Variants in HHIPL2 observed in about 807,000 individuals in gnomAD.
The protein encoded by HHIPL2 is HHIP like 2.
In HHIPL2, 61 loss-of-function variants were observed where a neutral mutation model predicts 61.0. That is an observed-to-expected ratio of 1.00 (90% CI 0.81 to 1.24). The LOEUF is 1.24. Ranked by LOEUF, HHIPL2 falls within the 50% of genes most tolerant of loss-of-function variation. The probability of loss-of-function intolerance (pLI) is 0.00; values close to 1 mark genes in which losing one functional copy is unlikely to be tolerated. For missense variants in HHIPL2, 885 were observed against 910.2 expected (o/e 0.97, Z 0.36); for synonymous variants, 343 against 357.4 (o/e 0.96, Z 0.45).
At chr1:222,547,229 G>C (rs1332085075) in intron 1 of HHIPL2, among the ~76,000 whole-genome samples, 1 of 152,158 alleles carries the variant, frequency 6.6e-6, no homozygotes, top group Non-Finnish European at 1.5e-5. Context: ...ACTCTGGAGA[G>C]AGTCTCCAAC....
chr1:222,541,940 G>A (rs201935779), intron 3 of HHIPL2, 72 bp downstream of exon 3: 48 of 1,477,386 alleles, frequency 3.2e-5, no homozygotes, highest in Non-Finnish European at 4.0e-5. Flanking sequence ...TGAGTTTGAT[G>A]CCATCCCTGC....
intron 7 of HHIPL2, among the ~76,000 whole-genome samples, chr1:222,525,534 G>A (rs999763625): frequency 6.6e-6 from 1 of 152,108 alleles, no homozygotes; most frequent in African/African-American, 2.4e-5. Flanking sequence ...AGATAGAGCT[G>A]GCCCCCCCAA....
At chr1:222,547,583 G>A in intron 1 of HHIPL2, 141 bp downstream of exon 1, 1 of 685,992 alleles carries the variant, frequency 1.5e-6, no homozygotes, top group Admixed American at 2.7e-5. Flanking sequence ...CAGTGTGCGT[G>A]TCCAAAGCCG....
intron 2 of HHIPL2, among the ~76,000 whole-genome samples, chr1:222,543,126 G>T (rs1473814747): frequency 2.0e-5 from 3 of 152,238 alleles, no homozygotes; most frequent in Non-Finnish European, 2.9e-5. Context: ...TGCATCCATA[G>T]CTTGATGGCC....
At chr1:222,546,901 G>A (rs1216891924) in intron 1 of HHIPL2, among the ~76,000 whole-genome samples, 1 of 152,200 alleles carries the variant, frequency 6.6e-6, no homozygotes, top group South Asian at 2.1e-4. Context: ...AGCCCAGGGG[G>A]TCTCAGTTCA....
chr1:222,523,003 T>C, intron 8 of HHIPL2, 116 bp from the exon 9 acceptor site: 4 of 841,664 alleles, frequency 4.8e-6, no homozygotes, highest in Non-Finnish European at 7.0e-6. Context: ...ATACTTTTAA[T>C]TCTCTAACTG....
chr1:222,540,119 C>A lies in HHIPL2; in HGVS notation c.1341G>T (p.Gln447His). ...RGRIFCGDVG[Q>H]NRFEEVDLIL... is the part of the protein sequence containing the mutation. ...TGAGGTCAACCTCTTCAAACCTGTTCTGGCCCACGTCCCCACAGAATATCC... is the reference window on the plus strand; with the variant it reads ...TGAGGTCAACCTCTTCAAACCTGTTATGGCCCACGTCCCCACAGAATATCC... The change falls in exon 4 of 9, where the codon CAG becomes CAT. Residue 447 changes from glutamine to histidine, a missense_variant. Physicochemically the swap from Gln to His is conservative, Grantham distance 24. Coordinates refer to ENST00000343410, the MANE Select transcript of HHIPL2 (RefSeq NM_024746.4). 6.2e-7 allele frequency: 1 copy of A among 1,614,286 alleles called. No individual in the cohort carries two copies. The highest frequency in any genetic ancestry group is 8.5e-7 in the Non-Finnish European group (1 of 1,180,054).
intron 5 of HHIPL2, among the ~76,000 whole-genome samples, chr1:222,533,119 C>T (rs1369136756): frequency 1.3e-5 from 2 of 152,146 alleles, no homozygotes; most frequent in East Asian, 1.9e-4. Flanking sequence ...AATCCCAACA[C>T]TTTGGGAGGC....
In HHIPL2 at chr1:222,538,774, T is replaced by C. The variant is rs1182286569; in HGVS notation, c.1451A>G (p.Asp484Gly). The C allele has an allele frequency of 6.2e-7, 1 of 1,614,086 alleles. No individual in the cohort carries two copies. Among genetic ancestry groups the C allele is most frequent in the Non-Finnish European group, 8.5e-7 (1 of 1,179,992 alleles). The change falls in exon 5 of 9, where the codon GAT becomes GGT. Residue 484 changes from aspartate (D) to glycine (G), a missense_variant and splice_region_variant. Physicochemically the swap from Asp to Gly is moderately conservative, Grantham distance 94. Coordinates refer to ENST00000343410, the MANE Select transcript of HHIPL2 (RefSeq NM_024746.4). ...ATAAGCATAGATTGGCAGAACATCA[T>C]CTGTCCAGGAGAGAGGAAAGAGAGT... ...DKKLCHNASLDDVLPIYAYGH... is the reference protein window; with the variant it reads ...DKKLCHNASLGDVLPIYAYGH...
chr1:222,527,448 C>T (rs533597758), intron 6 of HHIPL2, among the ~76,000 whole-genome samples: 6 of 152,126 alleles, frequency 3.9e-5, no homozygotes, highest in South Asian at 2.1e-4. Flanking sequence ...ATCTGTCAAT[C>T]GCTTTATTTT....
intron 1 of HHIPL2, among the ~76,000 whole-genome samples, chr1:222,546,003 C>T (rs181352279): frequency 6.6e-6 from 1 of 150,644 alleles, no homozygotes; most frequent in East Asian, 2.0e-4. Flanking sequence ...CAAGACCGTG[C>T]CACTGCACTC....
chr1:222,543,760 G>A lies in HHIPL2; in HGVS notation c.751C>T (p.Leu251=). ...VWVYLPDGSR[L]EQPFLDLKNI... ...TTGAGGTCCAGGAAGGGTTGCTCCAGGCGACTCCCATCAGGGAGGTAGACC... is the reference window on the plus strand; with the variant it reads ...TTGAGGTCCAGGAAGGGTTGCTCCAAGCGACTCCCATCAGGGAGGTAGACC... Residue 251 remains leucine, a synonymous_variant, in exon 2 of 9, where the codon CTG becomes TTG. Transcript: ENST00000343410. 1 of 1,614,178 alleles carries A rather than the reference G, an allele frequency of 6.2e-7. No individual in the cohort carries two copies. The highest frequency in any genetic ancestry group is 8.5e-7 in the Non-Finnish European group (1 of 1,180,034).
Position 222,540,191 on chromosome 1 carries a change from A to G in HHIPL2, c.1269T>C (p.Arg423=), listed in dbSNP as rs1442412238. The part of the protein sequence containing the change: ...IYAYGIRNMW[R]CAVDRGDPIT... ...TGGGGTCCCCTCGGTCCACAGCACA[A>G]CGCCACATGTTCCTGATCCCATAGG... Residue 423 remains arginine (R), a synonymous_variant, in exon 4 of 9, where the codon CGT becomes CGC. Coordinates refer to ENST00000343410, the MANE Select transcript of HHIPL2 (RefSeq NM_024746.4). 1.7e-5 allele frequency: 27 copies of G among 1,614,252 alleles called. No individual in the cohort carries two copies. Among genetic ancestry groups the G allele is most frequent in the Non-Finnish European group, 2.3e-5 (27 of 1,180,040 alleles).
intron 1 of HHIPL2, among the ~76,000 whole-genome samples, chr1:222,546,047 A>AAAAAAAATAAATAAATAAAT (rs1553271591): frequency 1.4e-5 from 2 of 141,280 alleles, no homozygotes; most frequent in East Asian, 2.1e-4. Flanking sequence ...TCTGTCTCAA[A>AAAAAAAATAAATAAATAAAT]AAATAAATAA....
rs543530385 is a variant in HHIPL2 at position 222,528,479 on chromosome 1, C to T, written c.1724-1429G>A. 3.9e-4 allele frequency among the ~76,000 whole-genome samples: 60 copies of T among 152,248 alleles called. 1 individual carries two copies. The highest frequency in any genetic ancestry group is 1.4e-3 in the African/African-American group (59 of 41,558). ...AAAATTATCCAGGCGTGGTGGCACA[C>T]GCCTGTGATCCCAGCTATGCGGGAG... is the stretch of plus-strand genomic sequence containing the variant. On this transcript the variant is annotated intron_variant, in intron 6 of 8. Transcript: ENST00000343410.
At chr1:222,529,133 GCT>G (rs1659134973) in intron 6 of HHIPL2, among the ~76,000 whole-genome samples, 1 of 152,216 alleles carries the variant, frequency 6.6e-6, no homozygotes, top group Admixed American at 6.5e-5. Flanking sequence ...CTAAACAACT[GCT>G]TTTTGTGGAG....
In HHIPL2 at chr1:222,538,628, G is replaced by T; in HGVS notation, c.1577+20C>A. Reference sequence around the variant, plus strand: ...ATATTAAAATAAAAAGAGGGAGAAGGGACATCAGTCCTTCCTTACCCACTC... The same window carrying T: ...ATATTAAAATAAAAAGAGGGAGAAGTGACATCAGTCCTTCCTTACCCACTC... On this transcript the variant is annotated intron_variant, in intron 5 of 8. Coordinates refer to ENST00000343410, the MANE Select transcript of HHIPL2 (RefSeq NM_024746.4). 1 of 1,605,758 alleles carries T rather than the reference G, an allele frequency of 6.2e-7. No homozygotes were observed. Among genetic ancestry groups the T allele is most frequent in the Non-Finnish European group, 8.5e-7 (1 of 1,173,974 alleles).
chr1:222,526,448 G>C (rs534605577), intron 7 of HHIPL2, among the ~76,000 whole-genome samples: 106 of 151,636 alleles, frequency 7.0e-4, no homozygotes, highest in Non-Finnish European at 1.3e-3. Context: ...GCTTACGCCT[G>C]TAATCCCAGC....
chr1:222,543,627 C>T lies in HHIPL2; in HGVS notation c.884G>A (p.Cys295Tyr), dbSNP rs745527993. The T allele has an allele frequency of 4.3e-6, 7 of 1,614,004 alleles. No individual in the cohort carries two copies. The African/African-American group carries it at 8.0e-5, about 18-fold the overall frequency. Residue 295 changes from cysteine to tyrosine, a missense_variant, in exon 2 of 9, where the codon TGC (cysteine) becomes TAC (tyrosine). By Grantham distance (194) the Cys-to-Tyr change is radical. Transcript: ENST00000343410. ...CTTTTCTACCTTCTTCTTGTCCAGGCACGAATAATAAATATAGAACTTGCG... is the reference window on the plus strand; with the variant it reads ...CTTTTCTACCTTCTTCTTGTCCAGGTACGAATAATAAATATAGAACTTGCG... Reference protein sequence around the residue: ...HNRKFYIYYSCLDKKKVEKIR... With the variant: ...HNRKFYIYYSYLDKKKVEKIR...
Sources: gnomAD v4.1 joint callset for allele counts (sites outside exome capture counted in the v4.1 genomes callset) on GRCh38, gnomAD v4.1.1 for gene constraint, MANE v1.5 for transcripts, NCBI Gene and HGNC (gene_info 2026-07-23, HGNC 2026-07-21) for gene names.